Variants in GFRA2 observed in about 807,000 individuals in gnomAD.
GFRA2 encodes GDNF family receptor alpha 2.
GFRA2 carries 17 observed loss-of-function variants against 48.3 expected under a neutral mutation model. The observed-to-expected ratio is 0.35, with a 90% confidence interval of 0.24 to 0.53. The LOEUF is 0.53. GFRA2 is among the 20% of genes least tolerant of loss of function. The probability of loss-of-function intolerance (pLI) is 0.93; values close to 1 mark genes in which losing one functional copy is unlikely to be tolerated. For synonymous variants in GFRA2, 305 were observed against 257.2 expected, an observed-to-expected ratio of 1.19 and a Z score of -1.78; for missense variants, 660 against 637.3, an observed-to-expected ratio of 1.04 and a Z score of -0.38.
chr8:21,725,305 G>A (rs914671588), intron 4 of GFRA2, among the ~76,000 whole-genome samples: 3 of 152,168 alleles, frequency 2.0e-5, no homozygotes, highest in African/African-American at 4.8e-5. Context: ...CAAAGCAATC[G>A]GCAGCTGTGG....
At chr8:21,733,202 A>T (rs1162282527) in intron 4 of GFRA2, among the ~76,000 whole-genome samples, 1 of 152,068 alleles carries the variant, frequency 6.6e-6, no homozygotes, top group Non-Finnish European at 1.5e-5. Context: ...TCCGCATCCC[A>T]GGTACCCACC....
chr8:21,708,700 A>G (rs1802871082), intron 4 of GFRA2, among the ~76,000 whole-genome samples: 1 of 152,202 alleles, frequency 6.6e-6, no homozygotes, highest in African/African-American at 2.4e-5. Flanking sequence ...ATGAGACAGC[A>G]GAGGCAGAGA....
At chr8:21,768,421 T>C (rs1258746365) in intron 3 of GFRA2, among the ~76,000 whole-genome samples, 3 of 152,160 alleles carry the variant, frequency 2.0e-5, no homozygotes, top group African/African-American at 7.2e-5. Context: ...CAGCCCCCTG[T>C]GCCCCCGCCT....
intron 4 of GFRA2, among the ~76,000 whole-genome samples, chr8:21,742,187 T>G (rs1804779904): frequency 1.3e-5 from 2 of 152,156 alleles, no homozygotes; most frequent in Admixed American, 6.5e-5. Context: ...AATTCATATG[T>G]TAAACCCCTA....
chr8:21,694,545 C>T (rs951824864), intron 7 of GFRA2, 28 bp from the exon 8 acceptor site: 7 of 1,600,962 alleles, frequency 4.4e-6, no homozygotes, highest in Middle Eastern at 1.6e-4. Flanking sequence ...CCAGTCAGGA[C>T]GAGTCACCAG....
At chr8:21,771,934 T>A (rs1806456672) in intron 3 of GFRA2, among the ~76,000 whole-genome samples, 1 of 152,142 alleles carries the variant, frequency 6.6e-6, no homozygotes, top group Non-Finnish European at 1.5e-5. Flanking sequence ...AGCCTTTTAA[T>A]GCCAAAGCTC....
chr8:21,704,851 C>T (rs962889361), intron 6 of GFRA2, 134 bp downstream of exon 6: 11 of 728,430 alleles, frequency 1.5e-5, no homozygotes, highest in Admixed American at 4.7e-5. Context: ...AAGGTCCCCA[C>T]GGGCAACACC....
intron 5 of GFRA2, among the ~76,000 whole-genome samples, chr8:21,705,406 C>A (rs1802690478): frequency 6.6e-6 from 1 of 152,170 alleles, no homozygotes; most frequent in South Asian, 2.1e-4. Flanking sequence ...AGAGTGTGGG[C>A]CCTTGCTTTG....
intron 6 of GFRA2, 58 bp from the exon 7 acceptor site, chr8:21,703,035 T>A (rs1223145672): frequency 9.1e-7 from 1 of 1,101,050 alleles, no homozygotes; most frequent in Non-Finnish European, 1.3e-6. Flanking sequence ...GTCACTCCTG[T>A]CCCTGCTCCT....
At chr8:21,695,309 C>T (rs1190954951) in intron 7 of GFRA2, among the ~76,000 whole-genome samples, 3 of 152,160 alleles carry the variant, frequency 2.0e-5, no homozygotes, top group Admixed American at 1.3e-4. Context: ...GGGGATGCAG[C>T]GCTTCCATCC....
Position 21,693,212 on chromosome 8 carries a change from C to T in GFRA2, c.*66G>A. The T allele has an allele frequency of 6.6e-7, 1 of 1,516,072 alleles. No homozygotes were observed. Among genetic ancestry groups the T allele is most frequent in the African/African-American group, 1.4e-5 (1 of 71,850 alleles). 93.9% of individuals were successfully genotyped at this position (1,516,072 alleles called of 1,614,324 possible). On this transcript the variant is annotated 3_prime_UTR_variant, in exon 9 of 9. Transcript: ENST00000524240. ...GTGTGTGTGTGTCTGTGTGTGTTTC[C>T]ATTTCGTCAGGCGGCTGTTCTTGTC...
intron 4 of GFRA2, among the ~76,000 whole-genome samples, chr8:21,715,498 G>A (rs553156596): frequency 5.9e-5 from 9 of 152,196 alleles, no homozygotes; most frequent in South Asian, 2.1e-4. Context: ...TAGTAGAGAC[G>A]GGGTTTTACC....
At chr8:21,786,898 C>T (rs947004146) in intron 1 of GFRA2, among the ~76,000 whole-genome samples, 19 of 152,312 alleles carry the variant, frequency 1.2e-4, no homozygotes, top group Admixed American at 2.0e-4. Context: ...GATCATGACC[C>T]CGCTGGGCAG....
intron 1 of GFRA2, among the ~76,000 whole-genome samples, chr8:21,785,575 G>T (rs951541616): frequency 6.6e-6 from 1 of 152,204 alleles, no homozygotes; most frequent in Non-Finnish European, 1.5e-5. Flanking sequence ...GGGGTAGAGG[G>T]GGGTGGAGAA....
At chr8:21,736,773 T>G (rs955565779) in intron 4 of GFRA2, among the ~76,000 whole-genome samples, 10 of 152,144 alleles carry the variant, frequency 6.6e-5, no homozygotes, top group Admixed American at 1.3e-4. Context: ...ATTACTGGCA[T>G]GAGCTACTGT....
intron 2 of GFRA2, chr8:21,781,016 T>G (rs1213637241): frequency 2.0e-5 from 3 of 152,090 alleles, no homozygotes; most frequent in African/African-American, 7.2e-5. Flanking sequence ...ATCCCAACAC[T>G]TAGGGAGGCC....
intron 3 of GFRA2, among the ~76,000 whole-genome samples, chr8:21,754,186 G>A (rs1407865607): frequency 6.6e-6 from 1 of 152,174 alleles, no homozygotes; most frequent in Admixed American, 6.5e-5. Context: ...TTGTTTGTTT[G>A]CATCAAATAC....
At chr8:21,727,978 G>C (rs1462921804) in intron 4 of GFRA2, among the ~76,000 whole-genome samples, 7 of 152,168 alleles carry the variant, frequency 4.6e-5, no homozygotes, top group African/African-American at 1.7e-4. Flanking sequence ...CATAGGAAGA[G>C]TTCTAGAAAA....
At chr8:21,721,590 T>G (rs1803597426) in intron 4 of GFRA2, among the ~76,000 whole-genome samples, 1 of 152,182 alleles carries the variant, frequency 6.6e-6, no homozygotes, top group African/African-American at 2.4e-5. Context: ...AAAGAGTGTT[T>G]GGGAGATGAA....
Sources: allele counts gnomAD v4.1 joint callset (sites outside exome capture counted in the v4.1 genomes callset), GRCh38; gene constraint gnomAD v4.1.1; transcripts MANE v1.5; gene names NCBI Gene and HGNC (gene_info 2026-07-23, HGNC 2026-07-21).